UNC5D: variants seen among roughly 807,000 people sequenced by gnomAD.
UNC5D encodes the protein netrin receptor UNC5D.
Under a neutral mutation model 105.4 loss-of-function variants are expected in UNC5D, and 39 were observed. The observed-to-expected ratio is 0.37, with a 90% CI of 0.29 to 0.48. The LOEUF (loss-of-function observed/expected upper bound fraction) is 0.48, where lower values mean the gene tolerates loss of function less well. Ranked by LOEUF, UNC5D falls within the 20% of genes least tolerant of loss-of-function variation. UNC5D has a pLI of 0.98. For synonymous variants in UNC5D, 452 were observed against 450.4 expected, an observed-to-expected ratio of 1.00 and a Z score of -0.04; for missense variants, 991 against 1,202.4, an observed-to-expected ratio of 0.82 and a Z score of 2.60.
intron 1 of UNC5D, among the ~76,000 whole-genome samples, chr8:35,435,138 G>T (rs1278450963): frequency 6.6e-6 from 1 of 151,910 alleles, no homozygotes; most frequent in African/African-American, 2.4e-5. Context: ...TTTATGTGGG[G>T]TTTATCAAAA....
chr8:35,525,332 G>C, intron 1 of UNC5D: 4 of 1,612,100 alleles, frequency 2.5e-6, no homozygotes, highest in Non-Finnish European at 3.4e-6. Context: ...CTTGATATGG[G>C]GGTGTAATAA....
chr8:35,593,352 A>G lies in UNC5D; in HGVS notation c.467-2202A>G, dbSNP rs1292900343. ...TGTTTTCTATACTTTATCTGGCTGA[A>G]TACAGATTAATTGGTGTCAAAATTG... is the stretch of plus-strand genomic sequence containing the variant. On this transcript the variant is annotated intron_variant, in intron 3 of 16. Transcript: ENST00000404895. Among the ~76,000 whole-genome samples the G allele has an allele frequency of 3.3e-5, 5 of 152,326 alleles. No individual in the cohort carries two copies. The East Asian group carries it at 9.6e-4, about 29-fold the overall frequency.
chr8:35,547,445 C>A (rs1052938353), intron 1 of UNC5D, among the ~76,000 whole-genome samples: 2 of 152,056 alleles, frequency 1.3e-5, no homozygotes, highest in Admixed American at 6.6e-5. Context: ...ATTACAGGCA[C>A]GTGCCACCAT....
At chr8:35,338,220 AT>A (rs1195461393) in intron 1 of UNC5D, among the ~76,000 whole-genome samples, 2 of 152,188 alleles carry the variant, frequency 1.3e-5, no homozygotes, top group Non-Finnish European at 2.9e-5. Context: ...TTCTTACAGC[AT>A]AAGCTGTCAA....
At chr8:35,765,079 G>A (rs370007647) in intron 14 of UNC5D, among the ~76,000 whole-genome samples, 28 of 152,310 alleles carry the variant, frequency 1.8e-4, no homozygotes, top group South Asian at 6.2e-4. Flanking sequence ...TGGATTCTCC[G>A]GTGAATGTCC....
chr8:35,389,738 TAAA>T (rs5890808), intron 1 of UNC5D, among the ~76,000 whole-genome samples: 77 of 126,516 alleles, frequency 6.1e-4, no homozygotes, highest in Middle Eastern at 4.2e-3. Context: ...CTGGCTGATT[TAAA>T]AAAAAAAAAA....
intron 4 of UNC5D, among the ~76,000 whole-genome samples, chr8:35,638,337 A>C (rs1822506589): frequency 6.6e-6 from 1 of 152,200 alleles, no homozygotes; most frequent in Non-Finnish European, 1.5e-5. Context: ...AATTTCCTGA[A>C]TGAGAACTTA....
At chr8:35,423,480 A>T (rs1806042901) in intron 1 of UNC5D, among the ~76,000 whole-genome samples, 1 of 152,160 alleles carries the variant, frequency 6.6e-6, no homozygotes. Flanking sequence ...AACTATTTTG[A>T]GGTCAGAAAC....
chr8:35,464,319 C>T (rs186162684), intron 1 of UNC5D, among the ~76,000 whole-genome samples: 26 of 152,162 alleles, frequency 1.7e-4, no homozygotes, highest in Non-Finnish European at 3.8e-4. Flanking sequence ...AAGAGTGAGA[C>T]TCCCTCTCAA....
intron 1 of UNC5D, among the ~76,000 whole-genome samples, chr8:35,312,441 T>G (rs920513380): frequency 2.6e-5 from 4 of 152,154 alleles, no homozygotes; most frequent in African/African-American, 7.2e-5. Context: ...TAATGCTCTG[T>G]GTATCAGTAA....
At chr8:35,426,256 A>C (rs552098520) in intron 1 of UNC5D, among the ~76,000 whole-genome samples, 21 of 152,294 alleles carry the variant, frequency 1.4e-4, no homozygotes, top group African/African-American at 5.1e-4. Flanking sequence ...CTCATAAAAC[A>C]TGGTTCTAAG....
At chr8:35,460,428 G>A (rs977067084) in intron 1 of UNC5D, among the ~76,000 whole-genome samples, 24 of 152,080 alleles carry the variant, frequency 1.6e-4, no homozygotes, top group African/African-American at 5.6e-4. Flanking sequence ...AACATAAAAT[G>A]TAAAGCCTGA....
chr8:35,734,653 G>A (rs866574286), intron 11 of UNC5D, among the ~76,000 whole-genome samples: 3 of 152,142 alleles, frequency 2.0e-5, no homozygotes, highest in South Asian at 2.1e-4. Context: ...CAGGTGATAC[G>A]CCCACCTCGG....
intron 1 of UNC5D, among the ~76,000 whole-genome samples, chr8:35,469,538 C>T (rs1410596463): frequency 6.6e-6 from 1 of 152,136 alleles, no homozygotes; most frequent in Non-Finnish European, 1.5e-5. Context: ...GATTTAATAA[C>T]TTTCTTTGCT....
intron 2 of UNC5D, among the ~76,000 whole-genome samples, chr8:35,566,814 C>A (rs933137503): frequency 2.0e-5 from 3 of 152,210 alleles, no homozygotes; most frequent in African/African-American, 7.2e-5. Flanking sequence ...TCCCAACCGG[C>A]CTATCCTAGA....
At chr8:35,258,431 G>A (rs943393643) in intron 1 of UNC5D, among the ~76,000 whole-genome samples, 2 of 152,126 alleles carry the variant, frequency 1.3e-5, no homozygotes, top group African/African-American at 4.8e-5. Context: ...ACACAGTGTG[G>A]GGGATCAGAC....
chr8:35,290,423 C>T (rs1203792410), intron 1 of UNC5D, among the ~76,000 whole-genome samples: 1 of 149,490 alleles, frequency 6.7e-6, no homozygotes, highest in Non-Finnish European at 1.5e-5. Flanking sequence ...TATGATTGTA[C>T]TTTGAACTCA....
chr8:35,439,493 G>A (rs917501701), intron 1 of UNC5D, among the ~76,000 whole-genome samples: 1 of 151,966 alleles, frequency 6.6e-6, no homozygotes, highest in Middle Eastern at 3.2e-3. Context: ...AACTACTTGG[G>A]CAAGTTTAAA....
At position 35,345,387 on chromosome 8, in the gene UNC5D, G is replaced by C. The variant is rs1811735318; in HGVS notation, c.103+109500G>C. Among the ~76,000 whole-genome samples the C allele has an allele frequency of 5.3e-5, 8 of 152,054 alleles. No individual in the cohort carries two copies. The South Asian group carries it at 1.7e-3, about 32-fold the overall frequency. On this transcript the variant is annotated intron_variant, in intron 1 of 16. Coordinates refer to ENST00000404895, the MANE Select transcript of UNC5D (RefSeq NM_080872.4). ...ACTTGAGCCTTTCCAAGGGAACCTGGAAAGAAAAAAGTATCCTACTGTGTG... is the reference window on the plus strand; with the variant it reads ...ACTTGAGCCTTTCCAAGGGAACCTGCAAAGAAAAAAGTATCCTACTGTGTG...
Sources: gnomAD v4.1 joint callset for allele counts (sites outside exome capture counted in the v4.1 genomes callset) on GRCh38, gnomAD v4.1.1 for gene constraint, MANE v1.5 for transcripts, NCBI Gene and HGNC (gene_info 2026-07-23, HGNC 2026-07-21) for gene names.